TBC1D22A: variants seen among roughly 807,000 people sequenced by gnomAD.
TBC1D22A encodes the protein TBC1 domain family member 22A.
TBC1D22A carries 38 observed loss-of-function variants against 60.2 expected under a neutral mutation model. That is an observed-to-expected ratio of 0.63 (90% confidence interval 0.49 to 0.83). The LOEUF (loss-of-function observed/expected upper bound fraction) is 0.83. Among genes scored for constraint, TBC1D22A ranks in the 40% least tolerant of loss-of-function variants. TBC1D22A has a pLI of 0.00. For synonymous variants in TBC1D22A, 302 were observed against 281.7 expected (o/e 1.07, Z -0.72); for missense variants, 628 against 701.0 (o/e 0.90, Z 1.18).
At chr22:47,144,858 C>T (rs979738684) in intron 12 of TBC1D22A, among the ~76,000 whole-genome samples, 2 of 132,914 alleles carry the variant, frequency 1.5e-5, no homozygotes, top group Admixed American at 7.6e-5. Context: ...GGGTGCAGCC[C>T]GTGAAGGTGC....
chr22:46,976,161 C>T (rs2074285572), intron 9 of TBC1D22A, among the ~76,000 whole-genome samples: 1 of 152,206 alleles, frequency 6.6e-6, no homozygotes, highest in African/African-American at 2.4e-5. Flanking sequence ...ACAAGATTAT[C>T]TGCCCTCTAT....
At chr22:46,832,594 C>T (rs1271045953) in intron 4 of TBC1D22A, among the ~76,000 whole-genome samples, 2 of 152,058 alleles carry the variant, frequency 1.3e-5, no homozygotes, top group East Asian at 1.9e-4. Context: ...TGCAGTGAGC[C>T]GAGATCGCGC....
intron 4 of TBC1D22A, among the ~76,000 whole-genome samples, chr22:46,849,844 A>T (rs1180004727): frequency 6.6e-6 from 1 of 152,136 alleles, no homozygotes; most frequent in Non-Finnish European, 1.5e-5. Context: ...TCTTTCTATG[A>T]TGTGTGGCTG....
intron 3 of TBC1D22A, among the ~76,000 whole-genome samples, chr22:46,796,738 G>T (rs979409568): frequency 6.6e-6 from 1 of 151,626 alleles, no homozygotes; most frequent in African/African-American, 2.4e-5. Context: ...AGCAGCAGAG[G>T]GCGGGAGGGA....
At chr22:46,827,699 C>T (rs1242644551) in intron 4 of TBC1D22A, among the ~76,000 whole-genome samples, 1 of 152,142 alleles carries the variant, frequency 6.6e-6, no homozygotes, top group Non-Finnish European at 1.5e-5. Flanking sequence ...AGTGAGGTCT[C>T]AGCCTTAGGT....
chr22:46,941,108 T>TACACACACACAC (rs145138507), intron 8 of TBC1D22A, among the ~76,000 whole-genome samples: 5 of 77,462 alleles, frequency 6.5e-5, no homozygotes, highest in African/African-American at 1.7e-4. Flanking sequence ...GGCACTAGCA[T>TACACACACACAC]ACACACACAC....
intron 11 of TBC1D22A, among the ~76,000 whole-genome samples, chr22:47,101,729 G>C (rs1352616420): frequency 6.6e-6 from 1 of 152,228 alleles, no homozygotes. Flanking sequence ...ACAGGACAGT[G>C]GGGGCACCGA....
chr22:47,126,130 C>T (rs1021598526), intron 12 of TBC1D22A, among the ~76,000 whole-genome samples: 2 of 152,166 alleles, frequency 1.3e-5, no homozygotes, highest in Non-Finnish European at 2.9e-5. Context: ...TACAGGCACA[C>T]GCTACCACGC....
At chr22:47,071,507 G>A (rs1187030629) in intron 11 of TBC1D22A, among the ~76,000 whole-genome samples, 2 of 152,282 alleles carry the variant, frequency 1.3e-5, no homozygotes, top group East Asian at 1.9e-4. Flanking sequence ...TTCCTGAGTC[G>A]GCCCCACTCT....
intron 4 of TBC1D22A, among the ~76,000 whole-genome samples, chr22:46,829,036 C>T (rs2086192535): frequency 6.6e-6 from 1 of 152,124 alleles, no homozygotes; most frequent in South Asian, 2.1e-4. Context: ...GGATGAGAGC[C>T]CAGATGTGTC....
chr22:46,941,822 A>AAT (rs1269014333), intron 8 of TBC1D22A, among the ~76,000 whole-genome samples: 17 of 120,682 alleles, frequency 1.4e-4, no homozygotes, highest in African/African-American at 5.2e-4. Flanking sequence ...ATATATATAG[A>AAT]ATATATAGAA....
chr22:46,823,080 G>T (rs925125852), intron 4 of TBC1D22A, among the ~76,000 whole-genome samples: 1 of 152,154 alleles, frequency 6.6e-6, no homozygotes, highest in Non-Finnish European at 1.5e-5. Context: ...GCTGCATCAG[G>T]CTTCTGGGAG....
chr22:47,062,113 A>G (rs2063602174), intron 11 of TBC1D22A, among the ~76,000 whole-genome samples: 1 of 150,714 alleles, frequency 6.6e-6, no homozygotes, highest in Non-Finnish European at 1.5e-5. Context: ...AAAAAAGACA[A>G]TGTGACAATG....
At chr22:46,916,042 C>T (rs538858334) in intron 8 of TBC1D22A, 33 of 432,460 alleles carry the variant, frequency 7.6e-5, no homozygotes, top group African/African-American at 4.0e-4. Flanking sequence ...GATCATCCCC[C>T]GAGGATGAGG....
At chr22:46,945,004 A>G (rs765504104) in intron 8 of TBC1D22A, among the ~76,000 whole-genome samples, 3 of 152,210 alleles carry the variant, frequency 2.0e-5, no homozygotes, top group Non-Finnish European at 4.4e-5. Context: ...ATTGAAGGAA[A>G]ATCTGGAAAT....
chr22:47,036,813 G>GTGA (rs369913712), intron 10 of TBC1D22A, among the ~76,000 whole-genome samples: 7 of 152,348 alleles, frequency 4.6e-5, no homozygotes, highest in African/African-American at 1.7e-4. Context: ...GTGTTAGGGC[G>GTGA]TGAAGCACCC....
At chr22:46,974,976 A>G (rs2074238449) in intron 9 of TBC1D22A, among the ~76,000 whole-genome samples, 2 of 152,228 alleles carry the variant, frequency 1.3e-5, no homozygotes, top group African/African-American at 4.8e-5. Flanking sequence ...GAAAAGCCAC[A>G]GGTCTCCCAG....
At chr22:47,122,935 G>A (rs2295245) in intron 12 of TBC1D22A, among the ~76,000 whole-genome samples, 38,327 of 152,234 alleles carry the variant, frequency 0.25, 6,266 homozygotes, top group East Asian at 0.59. Flanking sequence ...GGGTCTCAGG[G>A]TAATTAAAGG....
intron 12 of TBC1D22A, among the ~76,000 whole-genome samples, chr22:47,152,081 T>A (rs74335918): frequency 0.012 from 1,820 of 152,312 alleles, 34 homozygotes; most frequent in African/African-American, 0.041. Context: ...CTCTCCTGCG[T>A]GTATCTGACT....
Sources: allele counts gnomAD v4.1 joint callset (sites outside exome capture counted in the v4.1 genomes callset), GRCh38; gene constraint gnomAD v4.1.1; transcripts MANE v1.5; gene names NCBI Gene and HGNC (gene_info 2026-07-23, HGNC 2026-07-21).